CMIP: variants seen among roughly 807,000 people sequenced by gnomAD.
CMIP encodes c-Maf inducing protein.
Under a neutral mutation model 97.3 loss-of-function variants are expected in CMIP, and 13 were observed. The observed-to-expected ratio is 0.13, with a 90% CI of 0.09 to 0.21. The LOEUF (loss-of-function observed/expected upper bound fraction) is 0.21. CMIP is among the 10% of genes least tolerant of loss of function. CMIP has a pLI of 1.00. For missense variants in CMIP, 847 were observed against 1,024.9 expected (o/e 0.83, Z 2.37); for synonymous variants, 538 against 436.3 (o/e 1.23, Z -2.91).
intron 1 of CMIP, among the ~76,000 whole-genome samples, chr16:81,604,083 C>T (rs367918735): frequency 6.6e-6 from 1 of 152,160 alleles, no homozygotes; most frequent in Admixed American, 6.5e-5. Flanking sequence ...AGTAGGCATG[C>T]AGCTTGTCTG....
Position 81,607,419 on chromosome 16 carries a change from G to T in CMIP, c.301-148G>T, listed in dbSNP as rs1190154359. 16 of 988,110 alleles carry T rather than the reference G, an allele frequency of 1.6e-5. No individual in the cohort carries two copies. The East Asian group carries it at 3.9e-4, about 24-fold the overall frequency. The allele number at this position is 988,110 out of a possible 1,614,324, so 61.2% of individuals were successfully genotyped here. A position where few individuals can be genotyped will look rare whatever the true frequency, so the allele number is the denominator to read the frequency against. On this transcript the variant is annotated intron_variant, in intron 1 of 20. Transcript: ENST00000537098. The stretch of plus-strand genomic sequence containing the variant: ...TGGCCAGCCAGAAACAGGGAGGCTT[G>T]CTTTGGTCACCAGAGGTGCTGAGCT...
intron 1 of CMIP, among the ~76,000 whole-genome samples, chr16:81,576,776 T>C (rs1236007635): frequency 6.6e-6 from 1 of 152,156 alleles, no homozygotes; most frequent in Non-Finnish European, 1.5e-5. Context: ...TCCCATGACT[T>C]TCTAGCTGTG....
At position 81,670,161 on chromosome 16, in the gene CMIP, G is replaced by C; in HGVS notation, c.845G>C (p.Arg282Pro). 3 of 1,609,776 alleles carry C rather than the reference G, an allele frequency of 1.9e-6. No homozygotes were observed. The highest frequency in any genetic ancestry group is 2.5e-6 in the Non-Finnish European group (3 of 1,178,288). ...KHNMDFGKCP[R>P]LRLFTQEYIL... ...CCACAGGACTTTGGGAAGTGCCCGCGACTGAGGCTGTTTACTCAGGAGTAC... is the reference window on the plus strand; with the variant it reads ...CCACAGGACTTTGGGAAGTGCCCGCCACTGAGGCTGTTTACTCAGGAGTAC... The change falls in exon 8 of 21, where the codon CGA (arginine) becomes CCA (proline). Residue 282 changes from arginine to proline, a missense_variant. Around this residue, in one of 4 missense-constraint regions of CMIP, gnomAD observed 285 missense variants for 392.2 expected, o/e 0.73. Transcript: ENST00000537098.
chr16:81,504,257 C>T (rs926650669), intron 1 of CMIP, among the ~76,000 whole-genome samples: 1 of 149,766 alleles, frequency 6.7e-6, no homozygotes, highest in Non-Finnish European at 1.5e-5. Context: ...ACCCGGGAGG[C>T]AGAGGTTGCA....
intron 1 of CMIP, among the ~76,000 whole-genome samples, chr16:81,584,237 T>C (rs1597115896): frequency 6.6e-6 from 1 of 152,240 alleles, no homozygotes; most frequent in Non-Finnish European, 1.5e-5. Flanking sequence ...AGCCCCCTAC[T>C]AGAAGGAAAA....
intron 1 of CMIP, among the ~76,000 whole-genome samples, chr16:81,595,951 T>G (rs910588779): frequency 6.6e-6 from 1 of 152,226 alleles, no homozygotes; most frequent in African/African-American, 2.4e-5. Flanking sequence ...ACTACCAAAC[T>G]ATTTTACAAA....
chr16:81,632,576 C>G (rs958316945), intron 3 of CMIP, among the ~76,000 whole-genome samples: 1 of 152,206 alleles, frequency 6.6e-6, no homozygotes, highest in Non-Finnish European at 1.5e-5. Flanking sequence ...CATAGGGAGA[C>G]TGAGTTTCTG....
At chr16:81,484,097 G>A (rs535297602) in intron 1 of CMIP, among the ~76,000 whole-genome samples, 1 of 152,218 alleles carries the variant, frequency 6.6e-6, no homozygotes, top group Non-Finnish European at 1.5e-5. Context: ...ACCAGATAGC[G>A]TTTTTGCCAA....
chr16:81,699,855 C>T (rs893582651), intron 15 of CMIP, 54 bp downstream of exon 15: 40 of 1,251,436 alleles, frequency 3.2e-5, no homozygotes, highest in Middle Eastern at 1.9e-4. Flanking sequence ...GTCCCTTGTC[C>T]GTGCCGATAG....
intron 1 of CMIP, among the ~76,000 whole-genome samples, chr16:81,487,066 G>C (rs1354281223): frequency 6.6e-6 from 1 of 152,228 alleles, no homozygotes; most frequent in East Asian, 1.9e-4. Flanking sequence ...CCAGGCCTCG[G>C]AGAAACAGAA....
intron 2 of CMIP, among the ~76,000 whole-genome samples, chr16:81,610,854 C>G (rs1395634862): frequency 6.6e-6 from 1 of 152,128 alleles, no homozygotes; most frequent in Non-Finnish European, 1.5e-5. Context: ...AGAGGCTGTA[C>G]TTTGTCTTGA....
intron 1 of CMIP, among the ~76,000 whole-genome samples, chr16:81,549,204 G>A (rs1001918745): frequency 2.0e-5 from 3 of 152,204 alleles, no homozygotes; most frequent in Non-Finnish European, 2.9e-5. Context: ...GGAGGGAGCC[G>A]GTCAACCTGC....
At chr16:81,635,684 A>G (rs2092224944) in intron 3 of CMIP, among the ~76,000 whole-genome samples, 2 of 152,196 alleles carry the variant, frequency 1.3e-5, no homozygotes, top group African/African-American at 2.4e-5. Flanking sequence ...GGAGAAAGAG[A>G]TGAAATGATA....
intron 1 of CMIP, among the ~76,000 whole-genome samples, chr16:81,496,651 T>A (rs2089496324): frequency 6.6e-6 from 1 of 152,212 alleles, no homozygotes; most frequent in African/African-American, 2.4e-5. Flanking sequence ...AGGGATTTGG[T>A]ATCACAGCTG....
At chr16:81,624,113 TTC>T (rs1241422370) in intron 3 of CMIP, among the ~76,000 whole-genome samples, 1 of 138,498 alleles carries the variant, frequency 7.2e-6, no homozygotes, top group Non-Finnish European at 1.6e-5. Context: ...CTTTTCTCTT[TTC>T]TCTGTCTTTA....
intron 1 of CMIP, among the ~76,000 whole-genome samples, chr16:81,560,173 AAAG>A (rs1201804381): frequency 6.7e-5 from 10 of 149,608 alleles, no homozygotes; most frequent in African/African-American, 2.4e-4. Context: ...AAAAAGAAAA[AAAG>A]TTGTGTGTTT....
intron 1 of CMIP, among the ~76,000 whole-genome samples, chr16:81,567,819 C>T (rs754484773): frequency 2.0e-5 from 3 of 152,198 alleles, no homozygotes; most frequent in Non-Finnish European, 4.4e-5. Flanking sequence ...CTTGTTTATT[C>T]TGTTCACTGC....
chr16:81,633,081 T>C (rs1371819700), intron 3 of CMIP, among the ~76,000 whole-genome samples: 1 of 152,274 alleles, frequency 6.6e-6, no homozygotes, highest in Non-Finnish European at 1.5e-5. Flanking sequence ...AAGTTTTTCA[T>C]GTAAACGGTT....
intron 1 of CMIP, among the ~76,000 whole-genome samples, chr16:81,471,824 G>A (rs997726237): frequency 3.3e-5 from 5 of 152,352 alleles, no homozygotes; most frequent in Admixed American, 1.3e-4. Context: ...CTCACAGGCA[G>A]CTAGGACATG....
Sources: gnomAD v4.1 joint callset for allele counts (sites outside exome capture counted in the v4.1 genomes callset) on GRCh38, gnomAD v4.1.1 for gene constraint, gnomAD v4.1.1 regional missense constraint, MANE v1.5 for transcripts, NCBI Gene and HGNC (gene_info 2026-07-23, HGNC 2026-07-21) for gene names.